Variants in NEMF observed in about 807,000 individuals in gnomAD.
NEMF encodes ribosome quality control complex subunit NEMF.
A neutral mutation model predicts 162.2 loss-of-function variants in NEMF; 89 were observed. The ratio of observed to expected loss-of-function variants is 0.55; its 90% CI spans 0.46 to 0.65. The LOEUF (loss-of-function observed/expected upper bound fraction) is 0.65. NEMF is among the 30% of genes least tolerant of loss of function. NEMF has a pLI of 0.00. For missense variants in NEMF, 1,133 were observed against 1,261.9 expected (o/e 0.90, Z 1.55); for synonymous variants, 421 against 404.5 (o/e 1.04, Z -0.49).
At chr14:49,812,734 A>G (rs968950004) in intron 18 of NEMF, among the ~76,000 whole-genome samples, 1 of 151,388 alleles carries the variant, frequency 6.6e-6, no homozygotes, top group Non-Finnish European at 1.5e-5. Flanking sequence ...CTGGTTTCTA[A>G]TTTCACCCCA....
intron 16 of NEMF, among the ~76,000 whole-genome samples, chr14:49,819,409 ATATATAT>A (rs1443590244): frequency 6.6e-6 from 1 of 150,854 alleles, no homozygotes; most frequent in Non-Finnish European, 1.5e-5. Context: ...ATATATATAT[ATATATAT>A]ATATGTTTAT....
chr14:49,813,662 GGTGTGTGTGTGTGTGTGTGTGT>G (rs57660068), intron 18 of NEMF, among the ~76,000 whole-genome samples: 1 of 148,568 alleles, frequency 6.7e-6, no homozygotes, highest in Non-Finnish European at 1.5e-5. Context: ...TTTTTTATTA[GGTGTGTGTGTGTGTGTGTGTGT>G]GTGTGTGTGT....
chr14:49,828,199 T>C, intron 15 of NEMF, 92 bp downstream of exon 15: 1 of 919,726 alleles, frequency 1.1e-6, no homozygotes, highest in Admixed American at 2.0e-5. Flanking sequence ...ACTTCTGAAT[T>C]AGAAAACCTC....
chr14:49,800,877 G>C, intron 22 of NEMF, 181 bp from the exon 23 acceptor site: 1 of 574,172 alleles, frequency 1.7e-6, no homozygotes, highest in Non-Finnish European at 3.0e-6. Flanking sequence ...TCATGAATAG[G>C]TTGAACTAAA....
intron 3 of NEMF, among the ~76,000 whole-genome samples, chr14:49,850,261 C>A (rs1893707631): frequency 6.6e-6 from 1 of 152,082 alleles, no homozygotes; most frequent in African/African-American, 2.4e-5. Context: ...TGCCACCACG[C>A]CTGGCTAGTA....
At chr14:49,791,477 G>A (rs964597982) in intron 26 of NEMF, among the ~76,000 whole-genome samples, 8 of 150,480 alleles carry the variant, frequency 5.3e-5, no homozygotes, top group African/African-American at 9.8e-5. Flanking sequence ...GGTGGCTCAC[G>A]CCTGTAATCC....
chr14:49,789,405 A>G, intron 27 of NEMF, 62 bp from the exon 28 acceptor site: 1 of 1,610,262 alleles, frequency 6.2e-7, no homozygotes, highest in Non-Finnish European at 8.5e-7. Context: ...ATATTTTAAC[A>G]AGAATGTATT....
chr14:49,831,580 G>A (rs1371943054), intron 10 of NEMF, among the ~76,000 whole-genome samples: 2 of 152,000 alleles, frequency 1.3e-5, no homozygotes, highest in Non-Finnish European at 2.9e-5. Context: ...TGGGACTACA[G>A]GTGCACCCCA....
At chr14:49,840,145 G>C (rs1452594125) in intron 5 of NEMF, among the ~76,000 whole-genome samples, 1 of 151,770 alleles carries the variant, frequency 6.6e-6, no homozygotes, top group Non-Finnish European at 1.5e-5. Flanking sequence ...TCAGGGAAGG[G>C]GGAGTGAGAC....
intron 14 of NEMF, 30 bp downstream of exon 14, chr14:49,828,586 T>G: frequency 6.8e-7 from 1 of 1,477,976 alleles, no homozygotes; most frequent in South Asian, 1.4e-5. Flanking sequence ...AGATAACACT[T>G]GGCCTAAAAT....
rs370313787 is a variant in NEMF at position 49,846,244 on chromosome 14, G to A, written c.253C>T (p.Arg85Trp). 3.7e-6 allele frequency: 6 copies of A among 1,612,020 alleles called. No individual in the cohort carries two copies. Among genetic ancestry groups the A allele is most frequent in the South Asian group, 2.2e-5 (2 of 90,562 alleles). ...AGCTGTTTTGCACTGACTAATCTCC[G>A]ACTCTTCAAATGTTTTCGGCACTAG... Reference protein sequence around the residue: ...AMKCRKHLKSRRLVSAKQLGV... With the variant: ...AMKCRKHLKSWRLVSAKQLGV... Residue 85 changes from arginine (R) to tryptophan (W), a missense_variant, in exon 4 of 33, where the codon CGG (arginine) becomes TGG (tryptophan). Physicochemically the swap from Arg to Trp is moderately radical, Grantham distance 101. Around this residue, in one of 3 missense-constraint regions of NEMF, gnomAD observed 582 missense variants for 631.5 expected, o/e 0.92. Transcript: ENST00000298310.
At chr14:49,801,028 T>A (rs866054700) in intron 22 of NEMF, 20 of 257,662 alleles carry the variant, frequency 7.8e-5, no homozygotes, top group South Asian at 1.4e-4. Flanking sequence ...CTGCTTTTAT[T>A]ATAATTTGCA....
At position 49,829,442 on chromosome 14, in the gene NEMF, C is replaced by A. The variant is rs947532082; in HGVS notation, c.946-16G>T. ...CTTGCTTTTCCTTTTATTGGCAAAACAGATTTTTTAAAAATTAGATTTCTC... is the reference window on the plus strand; with the variant it reads ...CTTGCTTTTCCTTTTATTGGCAAAAAAGATTTTTTAAAAATTAGATTTCTC... On this transcript the variant is annotated splice_polypyrimidine_tract_variant and intron_variant, in intron 11 of 32. Transcript: ENST00000298310. 2 of 1,605,756 alleles carry A rather than the reference C, an allele frequency of 1.2e-6. No individual in the cohort carries two copies. The highest frequency in any genetic ancestry group is 8.5e-7 in the Non-Finnish European group (1 of 1,174,686).
chr14:49,844,123 A>C (rs1418965068), intron 4 of NEMF, among the ~76,000 whole-genome samples: 1 of 146,532 alleles, frequency 6.8e-6, no homozygotes, highest in Non-Finnish European at 1.5e-5. Flanking sequence ...AAAACAAAAC[A>C]AAAAAAAAAC....
At chr14:49,800,829 T>G in intron 22 of NEMF, 133 bp from the exon 23 acceptor site, 1 of 768,118 alleles carries the variant, frequency 1.3e-6, no homozygotes, top group Non-Finnish European at 2.1e-6. Flanking sequence ...TGTCTGATCA[T>G]TCCCAAAGGG....
At chr14:49,836,643 G>C (rs756705750) in intron 6 of NEMF, among the ~76,000 whole-genome samples, 3 of 151,898 alleles carry the variant, frequency 2.0e-5, no homozygotes, top group Non-Finnish European at 2.9e-5. Flanking sequence ...GAGACCCTTG[G>C]GAAATGCAGA....
At chr14:49,810,229 G>A (rs1020613617) in intron 18 of NEMF, among the ~76,000 whole-genome samples, 2 of 151,638 alleles carry the variant, frequency 1.3e-5, no homozygotes, top group African/African-American at 4.9e-5. Context: ...TTAGCCGGGC[G>A]TGGTGGAGGG....
Position 49,795,887 on chromosome 14 carries a change from T to C in NEMF, c.2523A>G (p.Gly841=), listed in dbSNP as rs763716317. Residue 841 remains glycine, a synonymous_variant, in exon 26 of 33, where the codon GGA becomes GGG. Coordinates refer to ENST00000298310, the MANE Select transcript of NEMF (RefSeq NM_004713.6). ...CAGTACTTTCTTTTTCTTTATCCTT[T>C]CCCTCTAACGCTTCTAAATCTCCTG... ...SDSGDLEALE[G]KDKEKESTVH... The C allele has an allele frequency of 6.2e-7, 1 of 1,613,028 alleles. No individual in the cohort carries two copies. Among genetic ancestry groups the C allele is most frequent in the South Asian group, 1.1e-5 (1 of 90,976 alleles).
intron 16 of NEMF, among the ~76,000 whole-genome samples, chr14:49,818,766 T>TGG (rs1260089947): frequency 1.1e-4 from 16 of 151,892 alleles, no homozygotes; most frequent in Non-Finnish European, 1.9e-4. Flanking sequence ...CAGCCTATTA[T>TGG]TTCCACTGGG....
Sources: allele counts gnomAD v4.1 joint callset (sites outside exome capture counted in the v4.1 genomes callset), GRCh38; gene constraint gnomAD v4.1.1; regional missense constraint gnomAD v4.1.1; transcripts MANE v1.5; gene names NCBI Gene and HGNC (gene_info 2026-07-23, HGNC 2026-07-21).